PIGK: variants seen among roughly 807,000 people sequenced by gnomAD.
PIGK encodes the protein phosphatidylinositol glycan anchor biosynthesis class K.
PIGK carries 42 observed loss-of-function variants against 50.6 expected under a neutral mutation model. The observed-to-expected ratio is 0.83, with a 90% CI of 0.65 to 1.07. PIGK has a LOEUF of 1.07. PIGK is among the 50% of genes least tolerant of loss of function. The pLI, the probability that PIGK is intolerant of heterozygous loss-of-function variation, is 0.00. For missense variants in PIGK, 448 were observed against 488.7 expected (o/e 0.92, Z 0.78); for synonymous variants, 151 against 156.0 (o/e 0.97, Z 0.24).
At chr1:77,151,732 AT>A (rs1391260118) in intron 9 of PIGK, among the ~76,000 whole-genome samples, 2 of 152,144 alleles carry the variant, frequency 1.3e-5, no homozygotes, top group Admixed American at 1.3e-4. Flanking sequence ...CAAGAAAGCA[AT>A]CTCACTTGCA....
At chr1:77,107,646 T>C (rs1230547377) in intron 10 of PIGK, among the ~76,000 whole-genome samples, 1 of 152,162 alleles carries the variant, frequency 6.6e-6, no homozygotes, top group African/African-American at 2.4e-5. Context: ...GGTATCCTTG[T>C]TAACTTTCTG....
intron 10 of PIGK, among the ~76,000 whole-genome samples, chr1:77,117,104 T>A (rs1356227988): frequency 6.6e-6 from 1 of 152,188 alleles, no homozygotes; most frequent in East Asian, 1.9e-4. Context: ...CAATTTGTAC[T>A]CTTTACTCTT....
intron 5 of PIGK, 140 bp downstream of exon 5, chr1:77,166,579 C>A: frequency 1.8e-6 from 1 of 551,978 alleles, no homozygotes; most frequent in South Asian, 2.8e-5. Context: ...TCAAATAGTT[C>A]TACATTATGG....
At chr1:77,117,136 C>A (rs1184287990) in intron 10 of PIGK, among the ~76,000 whole-genome samples, 1 of 152,154 alleles carries the variant, frequency 6.6e-6, no homozygotes, top group East Asian at 1.9e-4. Context: ...ACAATTGTCA[C>A]CTCAGGATGC....
At chr1:77,155,010 G>A (rs928801716) in intron 8 of PIGK, among the ~76,000 whole-genome samples, 2 of 152,114 alleles carry the variant, frequency 1.3e-5, no homozygotes, top group Admixed American at 6.6e-5. Context: ...GTTTTCAAAC[G>A]TTTTGTAATC....
chr1:77,116,340 C>G (rs528711510), intron 10 of PIGK, among the ~76,000 whole-genome samples: 2 of 152,090 alleles, frequency 1.3e-5, no homozygotes, highest in African/African-American at 2.4e-5. Flanking sequence ...CCCACCACCA[C>G]GCCCGGCTAA....
chr1:77,095,623 G>A (rs768585968), intron 10 of PIGK, among the ~76,000 whole-genome samples: 2 of 152,122 alleles, frequency 1.3e-5, no homozygotes, highest in Non-Finnish European at 2.9e-5. Flanking sequence ...GGAAGGCTTA[G>A]TATCACAGGA....
Position 77,125,505 on chromosome 1 carries a change from C to T in PIGK, c.987-3146G>A, listed in dbSNP as rs146076878. Among the ~76,000 whole-genome samples, 754 of 152,166 alleles carry T rather than the reference C, an allele frequency of 5.0e-3. 1 individual carries two copies. The highest frequency in any genetic ancestry group is 7.0e-3 in the Non-Finnish European group (474 of 67,960). ...ACTCATTTTTATAATTTCTTAAAAA[C>T]ACATGTCCATTGCTTTCTTGCTTTA... On this transcript the variant is annotated intron_variant, in intron 9 of 10. Coordinates refer to ENST00000370812, the MANE Select transcript of PIGK (RefSeq NM_005482.3).
intron 10 of PIGK, among the ~76,000 whole-genome samples, chr1:77,107,636 G>C (rs1653720411): frequency 6.6e-6 from 1 of 151,982 alleles, no homozygotes; most frequent in Admixed American, 6.6e-5. Context: ...TCAATTCCTG[G>C]GTATCCTTGT....
Position 77,126,868 on chromosome 1 carries a change from A to G in PIGK, c.987-4509T>C, listed in dbSNP as rs545897280. ...CATCCAAGTGTTCCTTTTACTTAAC[A>G]TTTTGAGTCATTTCAGAAGCCCCCC... On this transcript the variant is annotated intron_variant, in intron 9 of 10. Transcript: ENST00000370812. Among the ~76,000 whole-genome samples, 5 of 152,244 alleles carry G rather than the reference A, an allele frequency of 3.3e-5. No homozygotes were observed. The South Asian group carries it at 1.0e-3, about 32-fold the overall frequency.
intron 10 of PIGK, among the ~76,000 whole-genome samples, chr1:77,109,073 T>C (rs1326482837): frequency 6.6e-6 from 1 of 152,112 alleles, no homozygotes; most frequent in African/African-American, 2.4e-5. Flanking sequence ...AAGTTGAATC[T>C]CTGAATAGAC....
intron 10 of PIGK, among the ~76,000 whole-genome samples, chr1:77,110,011 TTG>T (rs1328645515): frequency 3.3e-5 from 5 of 152,136 alleles, no homozygotes; most frequent in African/African-American, 1.2e-4. Context: ...CCATTCACAA[TTG>T]CTTCAAAGAG....
intron 9 of PIGK, among the ~76,000 whole-genome samples, chr1:77,148,537 T>C (rs1654820570): frequency 1.3e-5 from 2 of 152,142 alleles, no homozygotes; most frequent in Admixed American, 1.3e-4. Flanking sequence ...AATTCCATTC[T>C]TCCAGAACAT....
intron 4 of PIGK, 68 bp downstream of exon 4, chr1:77,169,192 C>A: frequency 6.1e-6 from 6 of 988,034 alleles, no homozygotes; most frequent in Non-Finnish European, 8.6e-6. Context: ...CAATTTTATT[C>A]TGCCATTGTT....
At position 77,171,665 on chromosome 1, in the gene PIGK, A is replaced by G. The variant is rs187182673; in HGVS notation, c.240-2270T>C. Among the ~76,000 whole-genome samples, 158 of 152,160 alleles carry G rather than the reference A, an allele frequency of 1.0e-3. 1 individual carries two copies. The highest frequency in any genetic ancestry group is 3.6e-3 in the African/African-American group (148 of 41,554). ...ACTATGACCTGTTAACATAATCAAT[A>G]TATTATAAAACACTGTACTTGGAAT... is the stretch of plus-strand genomic sequence containing the variant. On this transcript the variant is annotated intron_variant, in intron 3 of 10. Coordinates refer to ENST00000370812, the MANE Select transcript of PIGK (RefSeq NM_005482.3).
rs534651571 is a variant in PIGK, at chr1:77,122,376, A to T, written c.987-17T>A. 141 of 1,396,320 alleles carry T rather than the reference A, an allele frequency of 1.0e-4. 1 individual carries two copies. The East Asian group carries it at 3.2e-3, about 31-fold the overall frequency. The allele number at this position is 1,396,320 out of a possible 1,614,324, so 86.5% of individuals were successfully genotyped here. Reference sequence around the variant, plus strand: ...TCCTTATAGCTGGAAAAGATAATTTAAAAACACAGAGCTAAGGCAAATACT... The same window carrying T: ...TCCTTATAGCTGGAAAAGATAATTTTAAAACACAGAGCTAAGGCAAATACT... On this transcript the variant is annotated splice_polypyrimidine_tract_variant and intron_variant, in intron 9 of 10. Transcript: ENST00000370812.
At chr1:77,144,781 G>A (rs922452349) in intron 9 of PIGK, among the ~76,000 whole-genome samples, 6 of 151,848 alleles carry the variant, frequency 4.0e-5, no homozygotes, top group Non-Finnish European at 8.8e-5. Context: ...TATGCAAAAT[G>A]ACAAAATGAG....
In PIGK at chr1:77,219,406, T is replaced by A. The variant is rs771529705; in HGVS notation, c.-4A>T. 1 of 1,612,654 alleles carries A rather than the reference T, an allele frequency of 6.2e-7. No homozygotes were observed. The highest frequency in any genetic ancestry group is 8.5e-7 in the Non-Finnish European group (1 of 1,179,252). ...TGAGGCTGTCGGTGACGGCCATGTT[T>A]ACCGGCTTCAGACTTCCCGCACCTG... On this transcript the variant is annotated 5_prime_UTR_variant, in exon 1 of 11. Transcript: ENST00000370812.
At chr1:77,183,322 G>A (rs1212698243) in intron 3 of PIGK, among the ~76,000 whole-genome samples, 4 of 152,126 alleles carry the variant, frequency 2.6e-5, no homozygotes, top group Non-Finnish European at 5.9e-5. Flanking sequence ...TCCCCTCTCC[G>A]ACCCATGCTG....
Sources: gnomAD v4.1 joint callset for allele counts (sites outside exome capture counted in the v4.1 genomes callset) on GRCh38, gnomAD v4.1.1 for gene constraint, MANE v1.5 for transcripts, NCBI Gene and HGNC (gene_info 2026-07-23, HGNC 2026-07-21) for gene names.